The following CBLB variants were observed in gnomAD, a reference collection of about 807,000 sequenced individuals.
The protein encoded by CBLB is E3 ubiquitin-protein ligase CBL-B.
In CBLB, 31 loss-of-function variants were observed where a neutral mutation model predicts 104.9. The observed-to-expected ratio is 0.30, with a 90% CI of 0.22 to 0.40. The LOEUF (loss-of-function observed/expected upper bound fraction) is 0.40. Among genes scored for constraint, CBLB ranks in the 10% least tolerant of loss-of-function variants. The pLI, the probability that CBLB is intolerant of heterozygous loss-of-function variation, is 1.00. For missense variants in CBLB, 1,062 were observed against 1,214.6 expected (o/e 0.87, Z 1.87); for synonymous variants, 440 against 422.6 (o/e 1.04, Z -0.51).
intron 3 of CBLB, among the ~76,000 whole-genome samples, chr3:105,846,984 T>G (rs1257675115): frequency 6.6e-6 from 1 of 152,082 alleles, no homozygotes; most frequent in Non-Finnish European, 1.5e-5. Context: ...ACTGTATTCT[T>G]TACTCAAAGC....
At chr3:105,741,454 G>A (rs764856503) in intron 6 of CBLB, among the ~76,000 whole-genome samples, 1 of 152,108 alleles carries the variant, frequency 6.6e-6, no homozygotes, top group Non-Finnish European at 1.5e-5. Context: ...GGAGTGCAGT[G>A]GCGCAATCAC....
At chr3:105,754,223 AAAATT>A (rs1196532009) in intron 4 of CBLB, among the ~76,000 whole-genome samples, 1 of 152,114 alleles carries the variant, frequency 6.6e-6, no homozygotes, top group Non-Finnish European at 1.5e-5. Flanking sequence ...AACAAACAAA[AAAATT>A]AGATTATTCT....
intron 4 of CBLB, among the ~76,000 whole-genome samples, chr3:105,771,411 T>C (rs7626841): frequency 1 from 151,843 of 152,308 alleles, 75,692 homozygotes; most frequent in East Asian, 1. Flanking sequence ...ATATGTCAAA[T>C]CTATAGCTAA....
intron 3 of CBLB, among the ~76,000 whole-genome samples, chr3:105,791,012 C>G (rs1336693669): frequency 1.3e-5 from 2 of 152,178 alleles, no homozygotes; most frequent in Non-Finnish European, 2.9e-5. Context: ...GAGTTCAAAA[C>G]AGAAAACCAC....
At chr3:105,827,841 A>G (rs1244241851) in intron 3 of CBLB, among the ~76,000 whole-genome samples, 2 of 152,338 alleles carry the variant, frequency 1.3e-5, no homozygotes, top group East Asian at 1.9e-4. Context: ...AAAACAAGAT[A>G]TAGTTAATAA....
At chr3:105,693,782 CA>C (rs1438600054) in intron 12 of CBLB, among the ~76,000 whole-genome samples, 194 bp from the exon 13 acceptor site, 3 of 151,822 alleles carry the variant, frequency 2.0e-5, no homozygotes, top group Non-Finnish European at 2.9e-5. Context: ...CAAGCTTACA[CA>C]AAAAATAAAA....
rs78854174 is a variant in CBLB, at chr3:105,745,595, A to G, written c.845+322T>C. ...TTAAAAATACCCTAAAGTAATGAAC[A>G]TAAGACTGTTCTATTTATTTGTTCT... On this transcript the variant is annotated intron_variant, in intron 6 of 18. Coordinates refer to ENST00000394030, the MANE Select transcript of CBLB (RefSeq NM_170662.5). Among the ~76,000 whole-genome samples the G allele has an allele frequency of 3.1e-4, 47 of 152,358 alleles. No individual in the cohort carries two copies. The East Asian group carries it at 9.1e-3, about 29-fold the overall frequency.
At chr3:105,714,915 T>A (rs1374996822) in intron 10 of CBLB, among the ~76,000 whole-genome samples, 1 of 152,246 alleles carries the variant, frequency 6.6e-6, no homozygotes, top group Admixed American at 6.5e-5. Flanking sequence ...TTTGTTCTAA[T>A]GTGGCCATTA....
chr3:105,861,975 G>C (rs2092130441), intron 2 of CBLB, among the ~76,000 whole-genome samples: 1 of 152,052 alleles, frequency 6.6e-6, no homozygotes, highest in South Asian at 2.1e-4. Flanking sequence ...CAGAACTTCA[G>C]ATTTTATCTT....
intron 3 of CBLB, among the ~76,000 whole-genome samples, chr3:105,822,225 T>C (rs2085970435): frequency 6.6e-6 from 1 of 152,094 alleles, no homozygotes; most frequent in South Asian, 2.1e-4. Context: ...TGGGATAACA[T>C]GTTTAAGTAT....
chr3:105,721,504 T>C (rs750933094), intron 9 of CBLB, among the ~76,000 whole-genome samples: 15 of 152,154 alleles, frequency 9.9e-5, no homozygotes, highest in Non-Finnish European at 2.1e-4. Context: ...CAAAAAACAC[T>C]GAGCTTGCTT....
chr3:105,830,442 G>A (rs1412224919), intron 3 of CBLB, among the ~76,000 whole-genome samples: 2 of 152,104 alleles, frequency 1.3e-5, no homozygotes, highest in Non-Finnish European at 2.9e-5. Flanking sequence ...GGAAGCGTTG[G>A]TAACCCGGAT....
In CBLB at chr3:105,659,228, A is replaced by G. The variant is rs1322593933; in HGVS notation, c.2691T>C (p.Asp897=). The G allele has an allele frequency of 3.7e-6, 6 of 1,613,716 alleles. No homozygotes were observed. The highest frequency in any genetic ancestry group is 1.3e-5 in the African/African-American group (1 of 74,906). ...QDYDQLPSCS[D]GSQAPARPPK... ...GGGGTCTGGCTGGTGCCTGTGAACC[A>G]TCTGTGTAGATTTTTAAAGAGAGAT... The change falls in exon 19 of 19, where the codon GAT becomes GAC. Residue 897 remains aspartate, a splice_region_variant and synonymous_variant. Transcript: ENST00000394030.
intron 4 of CBLB, among the ~76,000 whole-genome samples, chr3:105,754,511 GAGAGAGAGAGAC>G (rs1476888373): frequency 0.012 from 1,203 of 98,762 alleles, 62 homozygotes; most frequent in Admixed American, 0.1. Flanking sequence ...GAGAGAGAGA[GAGAGAGAGAGAC>G]AGAGAGAGAG....
chr3:105,776,609 T>C, intron 3 of CBLB, 67 bp from the exon 4 acceptor site: 3 of 1,359,248 alleles, frequency 2.2e-6, no homozygotes, highest in South Asian at 2.3e-5. Context: ...ATTTTTATGG[T>C]AATATATATT....
intron 4 of CBLB, among the ~76,000 whole-genome samples, chr3:105,769,019 T>C (rs935493819): frequency 6.6e-6 from 1 of 152,160 alleles, no homozygotes; most frequent in Non-Finnish European, 1.5e-5. Context: ...TGTAGTCTGT[T>C]AACAATTATT....
At chr3:105,793,096 CT>C (rs2081878671) in intron 3 of CBLB, among the ~76,000 whole-genome samples, 1 of 152,108 alleles carries the variant, frequency 6.6e-6, no homozygotes, top group African/African-American at 2.4e-5. Context: ...CAGTCGAGCA[CT>C]GTTAACTTAT....
chr3:105,670,174 A>C, intron 18 of CBLB, 59 bp downstream of exon 18: 1 of 1,486,362 alleles, frequency 6.7e-7, no homozygotes, highest in East Asian at 2.3e-5. Flanking sequence ...GGTGTTCTGA[A>C]AAGCAAAAAG....
At chr3:105,705,827 G>T (rs373876220) in intron 10 of CBLB, among the ~76,000 whole-genome samples, 4 of 152,088 alleles carry the variant, frequency 2.6e-5, no homozygotes, top group Admixed American at 6.6e-5. Flanking sequence ...TGCGTCCTTT[G>T]TAAAGACTTT....
Sources: allele counts gnomAD v4.1 joint callset (sites outside exome capture counted in the v4.1 genomes callset), GRCh38; gene constraint gnomAD v4.1.1; transcripts MANE v1.5; gene names NCBI Gene and HGNC (gene_info 2026-07-23, HGNC 2026-07-21).